TMCO5A: variants seen among roughly 807,000 people sequenced by gnomAD.
The protein encoded by TMCO5A is transmembrane and coiled-coil domain-containing protein 5A.
In TMCO5A, 34 loss-of-function variants were observed where a neutral mutation model predicts 42.3. The observed-to-expected ratio is 0.80, with a 90% CI of 0.61 to 1.07. The LOEUF (loss-of-function observed/expected upper bound fraction) is 1.07, where lower values mean the gene tolerates loss of function less well. Ranked by LOEUF, TMCO5A falls within the 50% of genes least tolerant of loss-of-function variation. The pLI, the probability that TMCO5A is intolerant of heterozygous loss-of-function variation, is 0.00. For synonymous variants in TMCO5A, 131 were observed against 115.6 expected (o/e 1.13, Z -0.86); for missense variants, 357 against 327.9 (o/e 1.09, Z -0.69).
chr15:38,036,241 G>A, the TMCO5A span, among the ~76,000 whole-genome samples: 1 of 152,152 alleles, frequency 6.6e-6, no homozygotes, highest in African/African-American at 2.4e-5. Flanking sequence ...TCTCCTGCAG[G>A]CAGCCTTAAC....
chr15:37,968,497 A>T (rs1410464135), downstream of TMCO5A, among the ~76,000 whole-genome samples: 2 of 151,930 alleles, frequency 1.3e-5, no homozygotes, highest in Non-Finnish European at 2.9e-5. Flanking sequence ...TGTTAGAGAC[A>T]CCATTCGTTT....
chr15:38,032,531 A>G, the TMCO5A span, among the ~76,000 whole-genome samples: 4 of 152,214 alleles, frequency 2.6e-5, no homozygotes, highest in Admixed American at 2.6e-4. Context: ...ATACTTAATC[A>G]TATACTTAAT....
chr15:37,941,863 C>A (rs1461769216), intron 8 of TMCO5A, 133 bp downstream of exon 8: 5 of 731,144 alleles, frequency 6.8e-6, no homozygotes, highest in Non-Finnish European at 1.2e-5. Context: ...ACTTTAAGGT[C>A]ATCAGCACCC....
At chr15:38,021,600 T>C in the TMCO5A span, among the ~76,000 whole-genome samples, 3 of 152,168 alleles carry the variant, frequency 2.0e-5, no homozygotes, top group Admixed American at 6.6e-5. Context: ...AAAGGGAGAC[T>C]AGGTTTTGAT....
At chr15:37,995,554 A>G in the TMCO5A span, among the ~76,000 whole-genome samples, 2 of 152,202 alleles carry the variant, frequency 1.3e-5, no homozygotes, top group Non-Finnish European at 2.9e-5. Flanking sequence ...CAAATTGGTA[A>G]CTTCCACCGA....
At chr15:38,034,821 A>G in the TMCO5A span, among the ~76,000 whole-genome samples, 2 of 152,138 alleles carry the variant, frequency 1.3e-5, no homozygotes, top group Non-Finnish European at 2.9e-5. Context: ...CCATGCTTTA[A>G]AGTGACCCCA....
chr15:37,955,135 T>C (rs1475401381), downstream of TMCO5A, among the ~76,000 whole-genome samples: 1 of 150,962 alleles, frequency 6.6e-6, no homozygotes, highest in Non-Finnish European at 1.5e-5. Flanking sequence ...AACTCTCCAA[T>C]CAAAGGACAT....
Position 37,961,422 on chromosome 15 carries a change from CA to C in TMCO5A, c.669-5202del, listed in dbSNP as rs1051772108. 3.3e-5 allele frequency among the ~76,000 whole-genome samples: 5 copies of C among 152,124 alleles called. No homozygotes were observed. The East Asian group carries it at 5.8e-4, about 18-fold the overall frequency. ...TATGTGCCTATTTTTATACCAGTACCATGCTGTTTTGGTGACTATGGCCTTA... is the reference window on the plus strand; with the variant it reads ...TATGTGCCTATTTTTATACCAGTACCTGCTGTTTTGGTGACTATGGCCTTA... On this transcript the variant is annotated intron_variant, in intron 11 of 11. Transcript: ENST00000559502.
intron 4 of TMCO5A, 32 bp downstream of exon 4, chr15:37,937,002 A>T: frequency 6.2e-7 from 1 of 1,610,040 alleles, no homozygotes; most frequent in Non-Finnish European, 8.5e-7. Context: ...GCCATTTAAT[A>T]GGTTGCATTC....
the TMCO5A span, among the ~76,000 whole-genome samples, chr15:38,021,736 C>G: frequency 6.6e-6 from 1 of 151,114 alleles, no homozygotes; most frequent in African/African-American, 2.4e-5. Flanking sequence ...TTAAAATATA[C>G]AATATTAACT....
chr15:38,018,916 C>T, the TMCO5A span, among the ~76,000 whole-genome samples: 1 of 151,996 alleles, frequency 6.6e-6, no homozygotes, highest in African/African-American at 2.4e-5. Flanking sequence ...TGTTAAAAGA[C>T]AATGGAGCTC....
downstream of TMCO5A, among the ~76,000 whole-genome samples, chr15:37,968,353 A>G (rs1890605423): frequency 6.6e-6 from 1 of 152,062 alleles, no homozygotes; most frequent in African/African-American, 2.4e-5. Flanking sequence ...CCAAAGACTC[A>G]CCACCCAAAC....
the TMCO5A span, among the ~76,000 whole-genome samples, chr15:38,026,548 C>A: frequency 2.0e-5 from 3 of 152,150 alleles, no homozygotes; most frequent in Admixed American, 1.3e-4. Flanking sequence ...TGCAGCCTGA[C>A]AATGTGATAG....
the TMCO5A span, among the ~76,000 whole-genome samples, chr15:38,037,329 G>A: frequency 6.6e-6 from 1 of 152,186 alleles, no homozygotes; most frequent in Non-Finnish European, 1.5e-5. Flanking sequence ...TTAAAGCCTT[G>A]CCCTATAGAA....
the TMCO5A span, among the ~76,000 whole-genome samples, chr15:38,014,578 G>C: frequency 4.6e-5 from 7 of 152,082 alleles, no homozygotes; most frequent in Non-Finnish European, 8.8e-5. Context: ...CCAAGAGTTA[G>C]AGGGATTTCT....
chr15:37,954,110 T>C (rs1318540633), downstream of TMCO5A, among the ~76,000 whole-genome samples: 1 of 151,974 alleles, frequency 6.6e-6, no homozygotes, highest in Non-Finnish European at 1.5e-5. Context: ...TTACTGGCCT[T>C]AAAGGGGAGA....
the TMCO5A span, among the ~76,000 whole-genome samples, chr15:38,030,884 C>T: frequency 2.6e-5 from 4 of 152,190 alleles, no homozygotes; most frequent in South Asian, 2.1e-4. Context: ...ATATGCCTTT[C>T]GAAATGACCT....
At chr15:37,993,952 A>G in the TMCO5A span, among the ~76,000 whole-genome samples, 13 of 152,334 alleles carry the variant, frequency 8.5e-5, no homozygotes, top group Non-Finnish European at 1.6e-4. Flanking sequence ...TAGATCAGAC[A>G]GGTTTTGCCA....
chr15:37,982,612 TTATA>T, the TMCO5A span, among the ~76,000 whole-genome samples: 1 of 85,394 alleles, frequency 1.2e-5, no homozygotes, highest in South Asian at 2.8e-4. Flanking sequence ...TAATATATAA[TTATA>T]TATTATATCT....
Sources: gnomAD v4.1 joint callset for allele counts (sites outside exome capture counted in the v4.1 genomes callset) on GRCh38, gnomAD v4.1.1 for gene constraint, MANE v1.5 for transcripts, NCBI Gene and HGNC (gene_info 2026-07-23, HGNC 2026-07-21) for gene names.